Variants in ANO8 observed in about 807,000 individuals in gnomAD.
The protein encoded by ANO8 is anoctamin 8, also known as anoctamin-8.
Under a neutral mutation model 120.4 loss-of-function variants are expected in ANO8, and 67 were observed. The ratio of observed to expected loss-of-function variants is 0.56; its 90% CI spans 0.46 to 0.68. The LOEUF is 0.68. Among genes scored for constraint, ANO8 ranks in the 30% least tolerant of loss-of-function variants. ANO8 has a pLI of 0.00. For missense variants in ANO8, 1,526 were observed against 1,737.6 expected (o/e 0.88, Z 2.16); for synonymous variants, 727 against 759.2 (o/e 0.96, Z 0.70).
At position 17,329,421 on chromosome 19, in the gene ANO8, C is replaced by T. The variant is rs1229926896; in HGVS notation, c.1404+336G>A. On this transcript the variant is annotated intron_variant, in intron 12 of 17. Coordinates refer to ENST00000159087, the MANE Select transcript of ANO8 (RefSeq NM_020959.3). ...CCACCTGCCCGTACTTTGGCCCGGG[C>T]CGCGAGCAGGAGGCCCCGGAGGGAG... The T allele has an allele frequency of 2.0e-5, 8 of 401,334 alleles. 1 individual carries two copies. In the South Asian group the frequency reaches 2.5e-4, roughly 13 times the overall value. The allele number at this position is 401,334 out of a possible 1,614,324, so 24.9% of individuals were successfully genotyped here.
In ANO8 at chr19:17,328,928, A is replaced by C; in HGVS notation, c.1460T>G (p.Leu487Arg). Residue 487 changes from leucine (L) to arginine (R), a missense_variant, in exon 13 of 18, where the codon CTG becomes CGG. Coordinates refer to ENST00000159087, the MANE Select transcript of ANO8 (RefSeq NM_020959.3). ...RQFLQNVREV[L>R]QPHLYRRLGR... ...CAGGCGCCGGTACAGGTGCGGCTGC[A>C]GGACCTCGCGCACGTTCTGGAGGAA... 6.6e-7 allele frequency: 1 copy of C among 1,511,376 alleles called. No individual in the cohort carries two copies. The highest frequency in any genetic ancestry group is 1.2e-5 in the South Asian group (1 of 81,136). The allele number at this position is 1,511,376 out of a possible 1,614,324, so 93.6% of individuals were successfully genotyped here. A position where few individuals can be genotyped will look rare whatever the true frequency, so the allele number is the denominator to read the frequency against.
At chr19:17,330,627 C>A in intron 8 of ANO8, 123 bp from the exon 9 acceptor site, 1 of 1,402,672 alleles carries the variant, frequency 7.1e-7, no homozygotes, top group South Asian at 1.4e-5. Flanking sequence ...TCTCAGGTCA[C>A]CCACCTAGGG....
intron 12 of ANO8, 61 bp from the exon 13 acceptor site, chr19:17,329,044 G>A (rs2074297731): frequency 7.5e-7 from 1 of 1,326,292 alleles, no homozygotes; most frequent in Non-Finnish European, 9.9e-7. Flanking sequence ...CCGGGATCGG[G>A]GGACTCACCC....
In ANO8 at chr19:17,332,837, A is replaced by C. The variant is rs908930448; in HGVS notation, c.586+93T>G. ...TCTTTGCCAACCCCTGACTGGTTGGATCTGGGCCCCGCCCTCCTGCTCCTA... is the reference window on the plus strand; with the variant it reads ...TCTTTGCCAACCCCTGACTGGTTGGCTCTGGGCCCCGCCCTCCTGCTCCTA... On this transcript the variant is annotated intron_variant, in intron 5 of 17. Coordinates refer to ENST00000159087, the MANE Select transcript of ANO8 (RefSeq NM_020959.3). 24 of 1,438,342 alleles carry C rather than the reference A, an allele frequency of 1.7e-5. No homozygotes were observed. The South Asian group carries it at 2.5e-4, about 15-fold the overall frequency. 89.1% of individuals were successfully genotyped at this position (1,438,342 alleles called of 1,614,324 possible).
At position 17,323,457 on chromosome 19, in the gene ANO8, C is replaced by G; in HGVS notation, c.*60G>C. On this transcript the variant is annotated 3_prime_UTR_variant, in exon 18 of 18. Coordinates refer to ENST00000159087, the MANE Select transcript of ANO8 (RefSeq NM_020959.3). The stretch of plus-strand genomic sequence containing the variant: ...TGAAGCGCATTTTGCATTTTGGAGA[C>G]CGGCCGCCCCTGTGAATGACTGATA... The G allele has an allele frequency of 7.8e-7, 1 of 1,280,626 alleles. No individual in the cohort carries two copies. Among genetic ancestry groups the G allele is most frequent in the Non-Finnish European group, 9.9e-7 (1 of 1,011,690 alleles). 79.3% of individuals were successfully genotyped at this position (1,280,626 alleles called of 1,614,324 possible).
At chr19:17,332,899 C>T in intron 5 of ANO8, 31 bp downstream of exon 5, 1 of 1,611,592 alleles carries the variant, frequency 6.2e-7, no homozygotes, top group Non-Finnish European at 8.5e-7. Flanking sequence ...AACTCTCTGC[C>T]TGTGATTGGT....
Position 17,332,946 on chromosome 19 carries a change from C to T in ANO8, c.570G>A (p.Leu190=), listed in dbSNP as rs898570267. The change falls in exon 5 of 18, where the codon CTG becomes CTA. Residue 190 remains leucine, a synonymous_variant. Coordinates refer to ENST00000159087, the MANE Select transcript of ANO8 (RefSeq NM_020959.3). Reference sequence around the variant, plus strand: ...CCTGCTCACTGATTGGCTGGTCCTCCAGGAAGCGCACGTTGTGGAGTGCTT... The same window carrying T: ...CCTGCTCACTGATTGGCTGGTCCTCTAGGAAGCGCACGTTGTGGAGTGCTT... ...QGEALHNVRF[L]EDQPIIPELA... 1 of 1,614,142 alleles carries T rather than the reference C, an allele frequency of 6.2e-7. No individual in the cohort carries two copies. Among genetic ancestry groups the T allele is most frequent in the African/African-American group, 1.3e-5 (1 of 75,068 alleles).
rs1271863382 is a variant in ANO8 at position 17,333,275 on chromosome 19, G to C, written c.351-36C>G. 1.2e-6 allele frequency: 2 copies of C among 1,602,676 alleles called. No homozygotes were observed. The highest frequency in any genetic ancestry group is 2.7e-5 in the African/African-American group (2 of 74,734). On this transcript the variant is annotated intron_variant, in intron 3 of 17. Transcript: ENST00000159087. The surrounding 1 kb of genome is among the most constrained non-coding windows in gnomAD (Gnocchi z 7.2). ...GGCGGAGGAGGTGGGCTCACAGGGA[G>C]GCCCCGGCCCACCATCCTGGAGCTG...
At position 17,330,396 on chromosome 19, in the gene ANO8, G is replaced by T; in HGVS notation, c.1102C>A (p.Leu368Ile). The T allele has an allele frequency of 6.3e-7, 1 of 1,582,422 alleles. No individual in the cohort carries two copies. The highest frequency in any genetic ancestry group is 8.6e-7 in the Non-Finnish European group (1 of 1,164,476). ...AGCATGAGCAAGAAGACACAGACGAGGCACGCCAGGCACAGGGGGAGGCTC... is the reference window on the plus strand; with the variant it reads ...AGCATGAGCAAGAAGACACAGACGATGCACGCCAGGCACAGGGGGAGGCTC... ...LVSLPLCLACLVCVFLLMLGC... is the reference protein window; with the variant it reads ...LVSLPLCLACIVCVFLLMLGC... The change falls in exon 9 of 18, where the codon CTC becomes ATC. Residue 368 changes from leucine (L) to isoleucine (I), a missense_variant. Leu to Ile is a conservative substitution (Grantham distance 5). Transcript: ENST00000159087.
chr19:17,330,256 G>A lies in ANO8; in HGVS notation c.1147-5C>T. 1 of 1,613,926 alleles carries A rather than the reference G, an allele frequency of 6.2e-7. No individual in the cohort carries two copies. The highest frequency in any genetic ancestry group is 8.5e-7 in the Non-Finnish European group (1 of 1,179,986). On this transcript the variant is annotated splice_region_variant and splice_polypyrimidine_tract_variant and intron_variant, in intron 9 of 17. Coordinates refer to ENST00000159087, the MANE Select transcript of ANO8 (RefSeq NM_020959.3). ...CTTCACGCTCAGCACCAGCTCCTGC[G>A]GGAGAAGGGGGTTCAGGGCTCATCC...
At chr19:17,325,465 G>A in intron 16 of ANO8, 79 bp from the exon 17 acceptor site, 3 of 1,491,716 alleles carry the variant, frequency 2.0e-6, no homozygotes, top group South Asian at 1.3e-5. Context: ...TGCATGCCAG[G>A]GCTCTCTGCA....
intron 12 of ANO8, 119 bp downstream of exon 12, chr19:17,329,638 G>C: frequency 1.4e-6 from 1 of 721,996 alleles, no homozygotes; most frequent in Non-Finnish European, 2.3e-6. Flanking sequence ...ACAGACAGGA[G>C]AGAAGGATGG....
chr19:17,332,836 G>A, intron 5 of ANO8, 94 bp downstream of exon 5: 1 of 1,427,902 alleles, frequency 7.0e-7, no homozygotes, highest in Non-Finnish European at 9.7e-7. Flanking sequence ...TGACTGGTTG[G>A]ATCTGGGCCC....
chr19:17,324,143 C>T (rs1036270995), intron 17 of ANO8, among the ~76,000 whole-genome samples: 2 of 149,572 alleles, frequency 1.3e-5, no homozygotes, highest in Non-Finnish European at 3.0e-5. Flanking sequence ...TGTGCTGCAG[C>T]TGCCACCTGT....
chr19:17,326,189 T>A (rs929204557), intron 16 of ANO8, among the ~76,000 whole-genome samples: 2 of 152,144 alleles, frequency 1.3e-5, no homozygotes, highest in Non-Finnish European at 2.9e-5. Context: ...ATCCCCTGCT[T>A]CCCAGAGAAC....
At position 17,334,625 on chromosome 19, in the gene ANO8, C is replaced by A. The variant is rs750502996; in HGVS notation, c.46G>T (p.Glu16Ter). Residue 16 changes from glutamate (E) to a stop codon, truncating the protein, a stop_gained, in exon 1 of 18, where the codon GAG becomes TAG. Transcript: ENST00000159087. LOFTEE classifies it high-confidence loss of function. The stretch of plus-strand genomic sequence containing the variant: ...TCCGGCGGGGGCCTCTTGCCACGCT[C>A]GCCCTCCAGGGACGTGCCCCCGGCG... ...SGAGGTSLEG[E>*]RGKRPPPEGE... 6.6e-7 allele frequency: 1 copy of A among 1,520,168 alleles called. No individual in the cohort carries two copies. Among genetic ancestry groups the A allele is most frequent in the Non-Finnish European group, 8.8e-7 (1 of 1,141,788 alleles). 94.2% of individuals were successfully genotyped at this position (1,520,168 alleles called of 1,614,324 possible). A position where few individuals can be genotyped will look rare whatever the true frequency, so the allele number is the denominator to read the frequency against.
rs1209079371 is a variant in ANO8 at position 17,328,538 on chromosome 19, A to C, written c.1850T>G (p.Val617Gly). The change falls in exon 13 of 18, where the codon GTC becomes GGC. Residue 617 changes from valine (V) to glycine (G), a missense_variant. Physicochemically the swap from Val to Gly is moderately radical, Grantham distance 109. This residue lies in a region of ANO8 where 467 missense variants were observed against 425.8 expected (regional missense o/e 1.10). Transcript: ENST00000159087. ...LLDCGLRLKKVSFAERGAGRR... is the reference protein window; with the variant it reads ...LLDCGLRLKKGSFAERGAGRR... ...CCCCGCGCCGCGCTCAGCGAAGCTG[A>C]CCTTCTTCAGCCGGAGCCCGCAGTC... The C allele has an allele frequency of 1.9e-6, 3 of 1,548,796 alleles. No homozygotes were observed. The highest frequency in any genetic ancestry group is 2.0e-5 in the Admixed American group (1 of 51,090).
chr19:17,327,203 T>G, intron 16 of ANO8, 32 bp downstream of exon 16: 350 of 1,485,870 alleles, frequency 2.4e-4, no homozygotes, highest in Non-Finnish European at 2.8e-4. Context: ...GCCCCACCAA[T>G]GAGAAAACCG....
At chr19:17,324,643 TC>T in intron 17 of ANO8, 73 bp downstream of exon 17, 1 of 1,493,678 alleles carries the variant, frequency 6.7e-7, no homozygotes. Context: ...TCAGCCCCTC[TC>T]CCCAGGCCTG....
Sources: gnomAD v4.1 joint callset for allele counts (sites outside exome capture counted in the v4.1 genomes callset) on GRCh38, gnomAD v4.1.1 for gene constraint, gnomAD v4.1.1 regional missense constraint, Gnocchi (gnomAD v3.1) non-coding constraint, MANE v1.5 for transcripts, NCBI Gene and HGNC (gene_info 2026-07-23, HGNC 2026-07-21) for gene names.